PRDM5: variants seen among roughly 807,000 people sequenced by gnomAD.
PRDM5 encodes PR/SET domain 5, also known as PR domain zinc finger protein 5.
Under a neutral mutation model 81.2 loss-of-function variants are expected in PRDM5, and 56 were observed. That is an observed-to-expected ratio of 0.69 (90% confidence interval 0.56 to 0.86). PRDM5 has a LOEUF of 0.86. Ranked by LOEUF, PRDM5 falls within the 40% of genes least tolerant of loss-of-function variation. The pLI is 0.00. For synonymous variants in PRDM5, 267 were observed against 256.4 expected, an observed-to-expected ratio of 1.04 and a Z score of -0.39; for missense variants, 697 against 770.1, an observed-to-expected ratio of 0.91 and a Z score of 1.12.
chr4:120,742,712 G>T (rs1446568784), intron 14 of PRDM5, among the ~76,000 whole-genome samples: 1 of 152,172 alleles, frequency 6.6e-6, no homozygotes, highest in Non-Finnish European at 1.5e-5. Flanking sequence ...AATGAAGCGA[G>T]AAGGAAAGTT....
intron 2 of PRDM5, among the ~76,000 whole-genome samples, chr4:120,901,732 C>G (rs988896729): frequency 3.3e-5 from 5 of 152,142 alleles, no homozygotes; most frequent in African/African-American, 1.2e-4. Flanking sequence ...AAATGCCACC[C>G]AGAATTAAGA....
intron 14 of PRDM5, among the ~76,000 whole-genome samples, chr4:120,717,062 G>GAAAA (rs5861486): frequency 8.0e-5 from 11 of 137,636 alleles, no homozygotes; most frequent in Non-Finnish European, 1.1e-4. Context: ...TGAACATTGT[G>GAAAA]AAAAAAAAAA....
chr4:120,740,081 G>A (rs1236211506), intron 14 of PRDM5, among the ~76,000 whole-genome samples: 1 of 151,908 alleles, frequency 6.6e-6, no homozygotes, highest in African/African-American at 2.4e-5. Context: ...TATATATTTG[G>A]AGCCAAATAA....
chr4:120,750,040 T>C (rs1193661662), intron 14 of PRDM5, among the ~76,000 whole-genome samples: 1 of 151,624 alleles, frequency 6.6e-6, no homozygotes, highest in Non-Finnish European at 1.5e-5. Context: ...CAGAATACAG[T>C]AGTCACCAGA....
At chr4:120,876,099 T>G (rs72680456) in intron 2 of PRDM5, among the ~76,000 whole-genome samples, 22,332 of 152,122 alleles carry the variant, frequency 0.15, 1,842 homozygotes, top group South Asian at 0.25. Flanking sequence ...CTAGCTGAGC[T>G]ACAGAGAAAT....
chr4:120,797,710 G>A (rs969330690), intron 10 of PRDM5, among the ~76,000 whole-genome samples: 2 of 152,150 alleles, frequency 1.3e-5, no homozygotes, highest in African/African-American at 4.8e-5. Context: ...AGTTATAAAT[G>A]TGAGTCTGAA....
intron 3 of PRDM5, among the ~76,000 whole-genome samples, chr4:120,833,934 A>T (rs935609477): frequency 2.0e-5 from 3 of 152,178 alleles, no homozygotes; most frequent in Admixed American, 1.3e-4. Flanking sequence ...TAAACAAAAT[A>T]ATATTAGTAG....
chr4:120,889,678 C>G (rs1763830306), intron 2 of PRDM5, among the ~76,000 whole-genome samples: 1 of 152,048 alleles, frequency 6.6e-6, no homozygotes, highest in South Asian at 2.1e-4. Context: ...TATTTTGTGG[C>G]TTGGGAAATA....
chr4:120,804,349 C>A (rs546937466), intron 8 of PRDM5, among the ~76,000 whole-genome samples: 1 of 151,750 alleles, frequency 6.6e-6, no homozygotes, highest in African/African-American at 2.4e-5. Flanking sequence ...ACCAAGCAGA[C>A]CTAATAGACA....
chr4:120,704,659 G>A (rs1016423637), intron 15 of PRDM5, among the ~76,000 whole-genome samples: 1 of 152,162 alleles, frequency 6.6e-6, no homozygotes, highest in Non-Finnish European at 1.5e-5. Flanking sequence ...TGGAGTCCAC[G>A]TTCTAAGTGG....
intron 11 of PRDM5, among the ~76,000 whole-genome samples, chr4:120,781,921 C>G: frequency 6.6e-6 from 1 of 152,158 alleles, no homozygotes; most frequent in East Asian, 1.9e-4. Context: ...GGGATGGGGT[C>G]TTTCAGAGAG....
chr4:120,796,429 GATGGTGCA>G (rs1365987411), intron 10 of PRDM5, among the ~76,000 whole-genome samples: 1 of 152,160 alleles, frequency 6.6e-6, no homozygotes, highest in Non-Finnish European at 1.5e-5. Context: ...AAGTATGAGA[GATGGTGCA>G]AAGATCCTGT....
intron 10 of PRDM5, among the ~76,000 whole-genome samples, chr4:120,793,404 T>A (rs1322432853): frequency 6.6e-6 from 1 of 152,240 alleles, no homozygotes; most frequent in East Asian, 1.9e-4. Flanking sequence ...TATTTCATTA[T>A]ATTTTACAAT....
chr4:120,819,122 AATAATCCC>A (rs1247701769), intron 4 of PRDM5, among the ~76,000 whole-genome samples: 1 of 152,238 alleles, frequency 6.6e-6, no homozygotes, highest in Non-Finnish European at 1.5e-5. Flanking sequence ...AAAAAACACC[AATAATCCC>A]ATCAGGAAGA....
rs376403580 is a variant in PRDM5 at position 120,818,560 on chromosome 4, C to G, written c.476-33G>C. On this transcript the variant is annotated intron_variant, in intron 4 of 15. Transcript: ENST00000264808. The stretch of plus-strand genomic sequence containing the variant: ...TTCACAAGGAAACATATTCATGAGA[C>G]AAAAATTCAGAGCCAAGAAATGCTC... 8.2e-6 allele frequency: 13 copies of G among 1,584,892 alleles called. No individual in the cohort carries two copies. In the African/African-American group the frequency reaches 1.6e-4, roughly 20 times the overall value.
Position 120,818,367 on chromosome 4 carries a change from C to T in PRDM5, c.636G>A (p.Gln212=). The change falls in exon 5 of 16, where the codon CAG becomes CAA. Residue 212 remains glutamine, a synonymous_variant. Coordinates refer to ENST00000264808, the MANE Select transcript of PRDM5 (RefSeq NM_018699.4). ...KNCGKKFPVK[Q]ALQRHVLQCT... ...AATATACGCACTGTCTTTGCAAAGC[C>T]TGCTTAACTGGGAATTTCTTCCCAC... The T allele has an allele frequency of 1.2e-6, 2 of 1,613,934 alleles. No individual in the cohort carries two copies. Among genetic ancestry groups the T allele is most frequent in the South Asian group, 2.2e-5 (2 of 91,080 alleles).
intron 2 of PRDM5, among the ~76,000 whole-genome samples, chr4:120,904,188 T>TAAAAAAAAAAAAAAA (rs1765510787): frequency 2.0e-3 from 1 of 488 alleles, no homozygotes. Flanking sequence ...AGACTCCTTC[T>TAAAAAAAAAAAAAAA]CAAAAAAAAA....
At chr4:120,912,082 CTAA>C (rs1333358246) in intron 1 of PRDM5, among the ~76,000 whole-genome samples, 1 of 152,022 alleles carries the variant, frequency 6.6e-6, no homozygotes, top group Non-Finnish European at 1.5e-5. Flanking sequence ...TTTGAAATCC[CTAA>C]TAATATTACT....
At chr4:120,916,248 G>A (rs1207349859) in intron 1 of PRDM5, among the ~76,000 whole-genome samples, 3 of 152,076 alleles carry the variant, frequency 2.0e-5, no homozygotes, top group Admixed American at 2.0e-4. Context: ...TTAGCCAGGT[G>A]TGGTGGTGGG....
Sources: allele counts gnomAD v4.1 joint callset (sites outside exome capture counted in the v4.1 genomes callset), GRCh38; gene constraint gnomAD v4.1.1; transcripts MANE v1.5; gene names NCBI Gene and HGNC (gene_info 2026-07-23, HGNC 2026-07-21).